The following TNS3 variants were observed in gnomAD, a reference collection of about 807,000 sequenced individuals.
The protein encoded by TNS3 is tensin 3.
TNS3 carries 45 observed loss-of-function variants against 140.9 expected under a neutral mutation model. That is an observed-to-expected ratio of 0.32 (90% confidence interval 0.25 to 0.41). TNS3 has a LOEUF of 0.41. Among genes scored for constraint, TNS3 ranks in the 10% least tolerant of loss-of-function variants. The probability of loss-of-function intolerance (pLI) is 1.00; values close to 1 mark genes in which losing one functional copy is unlikely to be tolerated. For missense variants in TNS3, 1,716 were observed against 1,906.7 expected, an observed-to-expected ratio of 0.90 and a Z score of 1.86; for synonymous variants, 815 against 788.4, an observed-to-expected ratio of 1.03 and a Z score of -0.56.
At chr7:47,577,263 A>C (rs1800696882) in intron 1 of TNS3, among the ~76,000 whole-genome samples, 1 of 152,238 alleles carries the variant, frequency 6.6e-6, no homozygotes, top group Non-Finnish European at 1.5e-5. Flanking sequence ...CTGATATCTT[A>C]GAAACAAAGC....
intron 8 of TNS3, among the ~76,000 whole-genome samples, chr7:47,433,253 A>AC (rs1384862032): frequency 6.6e-6 from 1 of 152,228 alleles, no homozygotes; most frequent in African/African-American, 2.4e-5. Context: ...CAGCGATTTC[A>AC]CCCCCGCAGT....
At chr7:47,561,893 G>C (rs1042567359) in intron 1 of TNS3, among the ~76,000 whole-genome samples, 1 of 152,200 alleles carries the variant, frequency 6.6e-6, no homozygotes. Context: ...AGGCTGTGAA[G>C]ACCTGCTGAG....
chr7:47,302,840 G>A (rs1427112133), intron 22 of TNS3, 110 bp downstream of exon 22: 1 of 1,426,384 alleles, frequency 7.0e-7, no homozygotes, highest in Non-Finnish European at 9.4e-7. Flanking sequence ...TTCCTCTCCA[G>A]GTGCCCAGCC....
chr7:47,304,755 C>T (rs1032392519), intron 21 of TNS3, 77 bp downstream of exon 21: 3 of 1,288,626 alleles, frequency 2.3e-6, no homozygotes, highest in South Asian at 3.1e-5. Flanking sequence ...AGCAAGCCCC[C>T]GCTGGTCCCA....
chr7:47,389,109 C>CAGAAGA lies in TNS3; in HGVS notation c.1024+7685_1024+7690dup, dbSNP rs140799405. On this transcript the variant is annotated intron_variant, in intron 16 of 30. Coordinates refer to ENST00000311160, the MANE Select transcript of TNS3 (RefSeq NM_022748.12). Reference sequence around the variant, plus strand: ...GAGGAAGAGGAAGAGGAAGCGGAAGCAGAAGAAGAAGAAGAAGAAGAAGAA... The same window carrying CAGAAGA: ...GAGGAAGAGGAAGAGGAAGCGGAAGCAGAAGAAGAAGAAGAAGAAGAAGAAGAAGAA... Among the ~76,000 whole-genome samples the CAGAAGA allele has an allele frequency of 4.8e-3, 286 of 59,144 alleles. 73 individuals carry two copies. Among genetic ancestry groups the CAGAAGA allele is most frequent in the African/African-American group, 0.018 (260 of 14,782 alleles). The allele number at this position is 59,144 out of a possible 152,430, so 38.8% of individuals were successfully genotyped here.
chr7:47,565,926 C>G (rs1033012891), intron 1 of TNS3, among the ~76,000 whole-genome samples: 1 of 152,204 alleles, frequency 6.6e-6, no homozygotes, highest in Non-Finnish European at 1.5e-5. Context: ...GAAGAGCAAC[C>G]AGCCACAGTC....
chr7:47,423,971 G>T, intron 10 of TNS3, 130 bp downstream of exon 10: 2 of 915,772 alleles, frequency 2.2e-6, no homozygotes, highest in Non-Finnish European at 1.7e-6. Flanking sequence ...CACCTTCACA[G>T]TCTTTGGCAT....
intron 1 of TNS3, among the ~76,000 whole-genome samples, chr7:47,548,584 C>T (rs762409873): frequency 2.0e-5 from 3 of 152,182 alleles, no homozygotes; most frequent in Admixed American, 6.5e-5. Flanking sequence ...GCTGTGACCC[C>T]GTGCCCTACC....
intron 3 of TNS3, among the ~76,000 whole-genome samples, chr7:47,484,635 A>G (rs1797545296): frequency 6.6e-6 from 1 of 152,222 alleles, no homozygotes; most frequent in Non-Finnish European, 1.5e-5. Context: ...GCAGAAGCAC[A>G]GTGCTTCCGT....
In TNS3 at chr7:47,370,039, T is replaced by C. The variant is rs529642980; in HGVS notation, c.1025-418A>G. 8.5e-5 allele frequency among the ~76,000 whole-genome samples: 13 copies of C among 152,330 alleles called. No individual in the cohort carries two copies. The South Asian group carries it at 2.7e-3, about 32-fold the overall frequency. On this transcript the variant is annotated intron_variant, in intron 16 of 30. Transcript: ENST00000311160. ...CTTCCGTTCATAGACCTGTCTAACA[T>C]TTGTTGAGCATCAGCTAGGTGCTGG... is the stretch of plus-strand genomic sequence containing the variant.
rs776333357 is a variant in TNS3 at position 47,503,024 on chromosome 7, AG to A, written c.-115+3882del. 3.3e-5 allele frequency among the ~76,000 whole-genome samples: 5 copies of A among 152,152 alleles called. No homozygotes were observed. The South Asian group carries it at 8.3e-4, about 25-fold the overall frequency. On this transcript the variant is annotated intron_variant, in intron 3 of 30. Coordinates refer to ENST00000311160, the MANE Select transcript of TNS3 (RefSeq NM_022748.12). ...AGGTTCTGTGTTTTTCCTGGATTAAAGGGGGAGCTGCGCATCGGGACCCTGT... is the reference window on the plus strand; with the variant it reads ...AGGTTCTGTGTTTTTCCTGGATTAAAGGGGAGCTGCGCATCGGGACCCTGT...
At chr7:47,439,723 A>G (rs1363661751) in intron 5 of TNS3, 65 bp from the exon 6 acceptor site, 14 of 1,545,546 alleles carry the variant, frequency 9.1e-6, no homozygotes, top group Middle Eastern at 1.7e-4. Context: ...ATCCTCTAGG[A>G]AAAAGGTGAA....
chr7:47,303,634 A>G (rs1429284010), intron 21 of TNS3, 50 bp from the exon 22 acceptor site: 22 of 1,502,880 alleles, frequency 1.5e-5, no homozygotes, highest in Non-Finnish European at 1.9e-5. Flanking sequence ...ACAAAGAGAC[A>G]CCTGAAGACC....
At chr7:47,297,468 T>A (rs553570163) in intron 23 of TNS3, among the ~76,000 whole-genome samples, 1 of 152,152 alleles carries the variant, frequency 6.6e-6, no homozygotes, top group African/African-American at 2.4e-5. Context: ...GACAGGAACA[T>A]CCCTCTCTTT....
intron 1 of TNS3, among the ~76,000 whole-genome samples, chr7:47,559,201 T>A (rs1281319222): frequency 6.6e-6 from 1 of 151,982 alleles, no homozygotes; most frequent in East Asian, 1.9e-4. Flanking sequence ...AATACAGAAA[T>A]TAGCCAGGCA....
chr7:47,279,097 C>A (rs920036649), intron 30 of TNS3: 7 of 152,354 alleles, frequency 4.6e-5, no homozygotes, highest in African/African-American at 1.7e-4. Flanking sequence ...CGGGGAAGCC[C>A]AGCTCGTCAG....
At position 47,292,706 on chromosome 7, in the gene TNS3, A is replaced by AGAATAC. The variant is rs1422436286; in HGVS notation, c.3850+116_3850+121dup. On this transcript the variant is annotated intron_variant, in intron 26 of 30. Coordinates refer to ENST00000311160, the MANE Select transcript of TNS3 (RefSeq NM_022748.12). Reference sequence around the variant, plus strand: ...TGGCCTTTTCTTGGGTTCAACCAAGAGAATACGAAAAAACTTCCAGTCTTA... The same window carrying AGAATAC: ...TGGCCTTTTCTTGGGTTCAACCAAGAGAATACGAATACGAAAAAACTTCCAGTCTTA... 6 of 845,662 alleles carry AGAATAC rather than the reference A, an allele frequency of 7.1e-6. No homozygotes were observed. The Admixed American group carries it at 1.5e-4, about 22-fold the overall frequency. 52.4% of individuals were successfully genotyped at this position (845,662 alleles called of 1,614,324 possible).
intron 13 of TNS3, 66 bp from the exon 14 acceptor site, chr7:47,400,980 C>T: frequency 6.2e-7 from 1 of 1,601,176 alleles, no homozygotes; most frequent in East Asian, 2.2e-5. Context: ...CGGCAAGGAA[C>T]ACACTCCGCG....
intron 8 of TNS3, 67 bp downstream of exon 8, chr7:47,435,215 G>T (rs1795118918): frequency 6.3e-7 from 1 of 1,594,470 alleles, no homozygotes; most frequent in African/African-American, 1.3e-5. Flanking sequence ...TGCAGCATTG[G>T]TCTCCATCTC....
Sources: allele counts gnomAD v4.1 joint callset (sites outside exome capture counted in the v4.1 genomes callset), GRCh38; gene constraint gnomAD v4.1.1; transcripts MANE v1.5; gene names NCBI Gene and HGNC (gene_info 2026-07-23, HGNC 2026-07-21).